MALRD1: variants seen among roughly 807,000 people sequenced by gnomAD.
The protein encoded by MALRD1 is MAM and LDL-receptor class A domain-containing protein 1.
In MALRD1, 247 loss-of-function variants were observed where a neutral mutation model predicts 242.1. That is an observed-to-expected ratio of 1.02 (90% CI 0.92 to 1.13). MALRD1 has a LOEUF of 1.13. Ranked by LOEUF, MALRD1 falls within the 50% of genes most tolerant of loss-of-function variation. The probability of loss-of-function intolerance (pLI) is 0.00; values close to 1 mark genes in which losing one functional copy is unlikely to be tolerated. For missense variants in MALRD1, 2,989 were observed against 2,533.1 expected, an observed-to-expected ratio of 1.18 and a Z score of -3.86; for synonymous variants, 995 against 866.6, an observed-to-expected ratio of 1.15 and a Z score of -2.60.
At chr10:19,562,451 G>C (rs982027706) in intron 32 of MALRD1, among the ~76,000 whole-genome samples, 1 of 152,158 alleles carries the variant, frequency 6.6e-6, no homozygotes, top group Non-Finnish European at 1.5e-5. Flanking sequence ...TCAACCTTCA[G>C]AGTATTTAAC....
Position 19,352,295 on chromosome 10 carries a change from C to A in MALRD1, c.4439C>A (p.Thr1480Lys). The A allele has an allele frequency of 6.7e-7, 1 of 1,489,234 alleles. No homozygotes were observed. The highest frequency in any genetic ancestry group is 8.9e-7 in the Non-Finnish European group (1 of 1,124,158). The allele number at this position is 1,489,234 out of a possible 1,614,324, so 92.3% of individuals were successfully genotyped here. A position where few individuals can be genotyped will look rare whatever the true frequency, so the allele number is the denominator to read the frequency against. ...GAAGAACTGGCAGTGCCTCTTCCAA[C>A]AGGTACATTCTAATCTGTGTGTGTG... is the stretch of plus-strand genomic sequence containing the variant. ...VQEELAVPLP[T>K]GFCPLGYREC... Residue 1480 changes from threonine to lysine, a missense_variant and splice_region_variant, in exon 26 of 40, where the codon ACA becomes AAA. By Grantham distance (78) the Thr-to-Lys change is moderately conservative (BLOSUM62 -1). Transcript: ENST00000454679.
intron 38 of MALRD1, among the ~76,000 whole-genome samples, chr10:19,704,524 A>G (rs1833773792): frequency 6.6e-6 from 1 of 152,224 alleles, no homozygotes; most frequent in Non-Finnish European, 1.5e-5. Flanking sequence ...CGTCGCTTTA[A>G]TAGGGCTTCA....
chr10:19,662,160 G>T (rs10764120), intron 36 of MALRD1, among the ~76,000 whole-genome samples: 138,852 of 152,210 alleles, frequency 0.91, 63,355 homozygotes, highest in Admixed American at 0.93. Context: ...GAATAAGACT[G>T]TTTTCATATA....
At chr10:19,461,201 G>A (rs1378484104) in intron 29 of MALRD1, among the ~76,000 whole-genome samples, 1 of 152,118 alleles carries the variant, frequency 6.6e-6, no homozygotes, top group Non-Finnish European at 1.5e-5. Context: ...GAATAAGAAT[G>A]TTTAGTATGG....
Position 19,734,445 on chromosome 10 carries a change from T to A in MALRD1, c.*208T>A, listed in dbSNP as rs1405774550. On this transcript the variant is annotated 3_prime_UTR_variant, in exon 40 of 40. Coordinates refer to ENST00000454679, the MANE Select transcript of MALRD1 (RefSeq NM_001142308.3). ...ATCAGTACCTTATCTTCACTGAACATCTGAATATTTTAATAAAATTTCTAT... is the reference window on the plus strand; with the variant it reads ...ATCAGTACCTTATCTTCACTGAACAACTGAATATTTTAATAAAATTTCTAT... The A allele has an allele frequency of 2.8e-6, 1 of 362,034 alleles. No individual in the cohort carries two copies. Among genetic ancestry groups the A allele is most frequent in the African/African-American group, 2.1e-5 (1 of 47,632 alleles). 22.4% of individuals were successfully genotyped at this position (362,034 alleles called of 1,614,324 possible). A position where few individuals can be genotyped will look rare whatever the true frequency, so the allele number is the denominator to read the frequency against.
chr10:19,140,539 GTGTA>G lies in MALRD1; in HGVS notation c.1411+3762_1411+3765del, dbSNP rs1450495306. 3.9e-3 allele frequency among the ~76,000 whole-genome samples: 432 copies of G among 109,780 alleles called. 2 individuals are homozygous for G. The highest frequency in any genetic ancestry group is 0.013 in the Admixed American group (128 of 9,734). 72.0% of individuals were successfully genotyped at this position (109,780 alleles called of 152,430 possible). Reference sequence around the variant, plus strand: ...TCAAACAAGTGGGGTGTGTGTGTGTGTGTATGTGTGTGTGTGTGTGTGTGTGTGT... The same window carrying G: ...TCAAACAAGTGGGGTGTGTGTGTGTGTGTGTGTGTGTGTGTGTGTGTGTGT... On this transcript the variant is annotated intron_variant, in intron 10 of 39. Coordinates refer to ENST00000454679, the MANE Select transcript of MALRD1 (RefSeq NM_001142308.3).
rs896728976 is a variant in MALRD1 at position 19,298,777 on chromosome 10, T to C, written c.3419+15596T>C. Among the ~76,000 whole-genome samples the C allele has an allele frequency of 2.6e-5, 4 of 151,908 alleles. No individual in the cohort carries two copies. In the East Asian group the frequency reaches 7.8e-4, roughly 29 times the overall value. On this transcript the variant is annotated intron_variant, in intron 21 of 39. Transcript: ENST00000454679. ...TTTTGGCTCACAGGAATAGAAAACC[T>C]CAAAGCACAACTTTAATCAGTTCAC...
intron 19 of MALRD1, among the ~76,000 whole-genome samples, chr10:19,267,998 C>T (rs1432418506): frequency 6.6e-6 from 1 of 151,996 alleles, no homozygotes; most frequent in African/African-American, 2.4e-5. Flanking sequence ...ACAAATTATT[C>T]ACTTATTTTA....
At chr10:19,072,104 A>G (rs926910864) in intron 2 of MALRD1, among the ~76,000 whole-genome samples, 2 of 152,198 alleles carry the variant, frequency 1.3e-5, no homozygotes, top group Non-Finnish European at 2.9e-5. Flanking sequence ...CTGCACGTAC[A>G]CATTTCAAAG....
intron 19 of MALRD1, among the ~76,000 whole-genome samples, chr10:19,278,198 A>T (rs550959550): frequency 6.6e-6 from 1 of 152,248 alleles, no homozygotes; most frequent in South Asian, 2.1e-4. Context: ...TTTAAAATAA[A>T]AAAAACAGTT....
At chr10:19,136,506 A>G (rs1833344827) in intron 9 of MALRD1, 68 bp from the exon 10 acceptor site, 4 of 905,606 alleles carry the variant, frequency 4.4e-6, no homozygotes, top group East Asian at 3.3e-5. Context: ...GTCTTTATCA[A>G]CCTTCTTTAG....
chr10:19,669,329 T>G (rs911549649), intron 36 of MALRD1, among the ~76,000 whole-genome samples: 2 of 152,068 alleles, frequency 1.3e-5, no homozygotes, highest in African/African-American at 4.8e-5. Flanking sequence ...CAAACAATCT[T>G]TAGAAATTAA....
At chr10:19,653,558 A>G (rs1302193347) in intron 36 of MALRD1, among the ~76,000 whole-genome samples, 1 of 152,056 alleles carries the variant, frequency 6.6e-6, no homozygotes, top group Non-Finnish European at 1.5e-5. Flanking sequence ...GAAGGAGCTT[A>G]AAGTTTCTAT....
chr10:19,086,957 G>C (rs1233626581), intron 2 of MALRD1, among the ~76,000 whole-genome samples: 1 of 152,028 alleles, frequency 6.6e-6, no homozygotes, highest in Non-Finnish European at 1.5e-5. Flanking sequence ...GCTTCCCTAT[G>C]TTAGTGAACT....
rs532934796 is a variant in MALRD1 at position 19,434,340 on chromosome 10, G to T, written c.4846-15967G>T. On this transcript the variant is annotated intron_variant, in intron 28 of 39. Coordinates refer to ENST00000454679, the MANE Select transcript of MALRD1 (RefSeq NM_001142308.3). ...GGAAGAAAATTTTCTGTAAATGCAA[G>T]AGCCACTGACACAGGTATTTCTCCA... 2.6e-4 allele frequency among the ~76,000 whole-genome samples: 40 copies of T among 152,170 alleles called. No individual in the cohort carries two copies. The South Asian group carries it at 6.4e-3, about 24-fold the overall frequency.
intron 32 of MALRD1, among the ~76,000 whole-genome samples, chr10:19,535,498 C>A (rs192585024): frequency 1.4e-5 from 2 of 147,752 alleles, no homozygotes; most frequent in African/African-American, 5.0e-5. Flanking sequence ...TACATATACA[C>A]ATATATATAC....
chr10:19,047,355 GGTGT>G (rs3042212), upstream of MALRD1, among the ~76,000 whole-genome samples: 43,243 of 148,662 alleles, frequency 0.29, 6,776 homozygotes, highest in African/African-American at 0.42. Context: ...GTGTTAATTA[GGTGT>G]GTGTGTGTGT....
intron 33 of MALRD1, among the ~76,000 whole-genome samples, chr10:19,579,478 A>G (rs1707801802): frequency 6.6e-6 from 1 of 152,186 alleles, no homozygotes; most frequent in African/African-American, 2.4e-5. Context: ...AGCCTTTTAT[A>G]CTAAGAGAAA....
In MALRD1 at chr10:19,165,265, A is replaced by T. The variant is rs57291615; in HGVS notation, c.1657-372A>T. Among the ~76,000 whole-genome samples the T allele has an allele frequency of 3.1e-4, 41 of 130,302 alleles. 1 individual carries two copies. Among genetic ancestry groups the T allele is most frequent in the South Asian group, 7.4e-4 (3 of 4,036 alleles). 85.5% of individuals were successfully genotyped at this position (130,302 alleles called of 152,430 possible). A position where few individuals can be genotyped will look rare whatever the true frequency, so the allele number is the denominator to read the frequency against. ...GGAATATATATATATATATATATATATTTTGTTTTGTTTTGTTTTTGTTTT... is the reference window on the plus strand; with the variant it reads ...GGAATATATATATATATATATATATTTTTTGTTTTGTTTTGTTTTTGTTTT... On this transcript the variant is annotated intron_variant, in intron 12 of 39. Transcript: ENST00000454679.
Sources: allele counts gnomAD v4.1 joint callset (sites outside exome capture counted in the v4.1 genomes callset), GRCh38; gene constraint gnomAD v4.1.1; transcripts MANE v1.5; gene names NCBI Gene and HGNC (gene_info 2026-07-23, HGNC 2026-07-21).